Variants in UNC13B observed in about 807,000 individuals in gnomAD.
The protein encoded by UNC13B is unc-13 homolog B.
Under a neutral mutation model 211.0 loss-of-function variants are expected in UNC13B, and 144 were observed. That is an observed-to-expected ratio of 0.68 (90% confidence interval 0.60 to 0.78). The LOEUF (loss-of-function observed/expected upper bound fraction) is 0.78. Ranked by LOEUF, UNC13B falls within the 30% of genes least tolerant of loss-of-function variation. The probability of loss-of-function intolerance (pLI) is 0.00; values close to 1 mark genes in which losing one functional copy is unlikely to be tolerated. For synonymous variants in UNC13B, 709 were observed against 725.8 expected (o/e 0.98, Z 0.37); for missense variants, 1,777 against 2,002.0 (o/e 0.89, Z 2.14).
intron 20 of UNC13B, among the ~76,000 whole-genome samples, chr9:35,382,009 G>A (rs569343266): frequency 6.9e-4 from 105 of 152,272 alleles, no homozygotes; most frequent in African/African-American, 2.2e-3. Context: ...GACATCACAG[G>A]CCTGAGCAGA....
chr9:35,208,600 G>T (rs1302216292), intron 1 of UNC13B, among the ~76,000 whole-genome samples: 1 of 152,176 alleles, frequency 6.6e-6, no homozygotes, highest in Non-Finnish European at 1.5e-5. Flanking sequence ...ATCTTACATG[G>T]CAGAAGCAAG....
intron 11 of UNC13B, among the ~76,000 whole-genome samples, chr9:35,336,764 A>C (rs1250732191): frequency 6.6e-6 from 1 of 152,156 alleles, no homozygotes; most frequent in Non-Finnish European, 1.5e-5. Context: ...CATCACCTTG[A>C]GGGTTAGGAT....
intron 7 of UNC13B, among the ~76,000 whole-genome samples, chr9:35,262,264 C>A (rs1827321504): frequency 6.7e-6 from 1 of 149,166 alleles, no homozygotes; most frequent in African/African-American, 2.5e-5. Flanking sequence ...CCTTCCTTTC[C>A]TTTCCTTTTC....
chr9:35,394,795 G>T (rs906090170), intron 26 of UNC13B, among the ~76,000 whole-genome samples: 1 of 152,200 alleles, frequency 6.6e-6, no homozygotes, highest in African/African-American at 2.4e-5. Context: ...CTTTACTGGA[G>T]CATGACTCCA....
In UNC13B at chr9:35,303,195, C is replaced by T; in HGVS notation, c.3791C>T (p.Ala1264Val). 1 of 398,682 alleles carries T rather than the reference C, an allele frequency of 2.5e-6. No individual in the cohort carries two copies. 24.7% of individuals were successfully genotyped at this position (398,682 alleles called of 1,614,324 possible). A position where few individuals can be genotyped will look rare whatever the true frequency, so the allele number is the denominator to read the frequency against. Reference sequence around the variant, plus strand: ...AAAGAAAACATACCATTATCTGATGCTGGGGATGATAATCATTATTGTTCC... The same window carrying T: ...AAAGAAAACATACCATTATCTGATGTTGGGGATGATAATCATTATTGTTCC... ...LPKENIPLSD[A>V]GDDNHYCSPT... Residue 1264 changes from alanine to valine, a missense_variant, in exon 9 of 40, where the codon GCT becomes GTT. Transcript: ENST00000635942.
At position 35,300,981 on chromosome 9, in the gene UNC13B, TC is replaced by T. The variant is rs1372999962; in HGVS notation, c.1580del (p.Pro527LeufsTer3). 5 of 398,898 alleles carry T rather than the reference TC, an allele frequency of 1.3e-5. No homozygotes were observed. The highest frequency in any genetic ancestry group is 2.2e-5 in the Non-Finnish European group (5 of 226,022). 24.7% of individuals were successfully genotyped at this position (398,898 alleles called of 1,614,324 possible). A position where few individuals can be genotyped will look rare whatever the true frequency, so the allele number is the denominator to read the frequency against. ...VKNDKDTAIS[F>X]PELTGVQCAV... ...AATGACAAGGACACGGCCATCTCTT[TC>T]CCTGAGTTGACTGGAGTACAATGTG... On this transcript the variant is annotated frameshift_variant, in exon 9 of 40. Coordinates refer to ENST00000635942, the MANE Select transcript of UNC13B (RefSeq NM_001371189.2). LOFTEE classifies it high-confidence loss of function.
At chr9:35,362,891 A>G (rs2058358207) in intron 11 of UNC13B, among the ~76,000 whole-genome samples, 1 of 152,078 alleles carries the variant, frequency 6.6e-6, no homozygotes, top group Non-Finnish European at 1.5e-5. Flanking sequence ...GTTAAATACC[A>G]ATGAGAAGGA....
chr9:35,344,034 A>G (rs1832190948), intron 11 of UNC13B, among the ~76,000 whole-genome samples: 1 of 152,112 alleles, frequency 6.6e-6, no homozygotes, highest in Non-Finnish European at 1.5e-5. Context: ...TGTGGTTCAC[A>G]TTATATTTCT....
In UNC13B at chr9:35,307,637, G is replaced by T. The variant is rs904316862; in HGVS notation, c.8233G>T (p.Ala2745Ser). 7.5e-6 allele frequency: 3 copies of T among 398,932 alleles called. No homozygotes were observed. Among genetic ancestry groups the T allele is most frequent in the Non-Finnish European group, 1.3e-5 (3 of 226,138 alleles). The allele number at this position is 398,932 out of a possible 1,614,324, so 24.7% of individuals were successfully genotyped here. ...CAGAGAAAGTTGTGAGATAATTCAT[G>T]CCCAGAAAGATCCACCTGTAGTACC... ...AARESCEIIH[A>S]QKDPPVVPQE... Residue 2745 changes from alanine (A) to serine (S), a missense_variant, in exon 9 of 40, where the codon GCC (alanine) becomes TCC (serine). Coordinates refer to ENST00000635942, the MANE Select transcript of UNC13B (RefSeq NM_001371189.2).
chr9:35,250,021 C>A (rs1241215649), intron 6 of UNC13B, among the ~76,000 whole-genome samples: 1 of 151,522 alleles, frequency 6.6e-6, no homozygotes, highest in Non-Finnish European at 1.5e-5. Context: ...CGGTGGCTTT[C>A]AGTATCTTCA....
chr9:35,342,525 A>G (rs1832068152), intron 11 of UNC13B, among the ~76,000 whole-genome samples: 1 of 152,162 alleles, frequency 6.6e-6, no homozygotes, highest in Non-Finnish European at 1.5e-5. Flanking sequence ...GAATCTTCAC[A>G]TGCATGTATT....
intron 7 of UNC13B, among the ~76,000 whole-genome samples, chr9:35,275,705 T>C (rs1828138806): frequency 6.6e-6 from 1 of 151,982 alleles, no homozygotes; most frequent in Non-Finnish European, 1.5e-5. Context: ...TGATTCCCCT[T>C]CCTCAACCTC....
intron 1 of UNC13B, among the ~76,000 whole-genome samples, chr9:35,176,078 T>C (rs1241248801): frequency 2.7e-5 from 4 of 149,914 alleles, no homozygotes; most frequent in Non-Finnish European, 5.9e-5. Context: ...GAGTATTTTG[T>C]AGCTTGAAGG....
chr9:35,204,844 C>T (rs890486065), intron 1 of UNC13B, among the ~76,000 whole-genome samples: 1 of 152,126 alleles, frequency 6.6e-6, no homozygotes, highest in Non-Finnish European at 1.5e-5. Flanking sequence ...TGTGTTAAGA[C>T]TTTGGAGGAC....
intron 7 of UNC13B, among the ~76,000 whole-genome samples, chr9:35,271,387 G>GTACATCATGTTTAC (rs1451841860): frequency 6.6e-6 from 1 of 152,126 alleles, no homozygotes; most frequent in Admixed American, 6.6e-5. Flanking sequence ...TTGAGCCTCA[G>GTACATCATGTTTAC]TACATCATGT....
At chr9:35,216,883 A>G (rs3849921) in intron 1 of UNC13B, among the ~76,000 whole-genome samples, 149,717 of 152,320 alleles carry the variant, frequency 0.98, 73,628 homozygotes, top group East Asian at 1. Flanking sequence ...ACAACTTGGC[A>G]TTATGCTGAG....
intron 11 of UNC13B, chr9:35,341,798 T>TGAG: frequency 6.1e-6 from 2 of 329,178 alleles, no homozygotes; most frequent in Non-Finnish European, 8.7e-6. Context: ...CAGGAACGTG[T>TGAG]GAGGAGGGCT....
intron 1 of UNC13B, among the ~76,000 whole-genome samples, chr9:35,221,971 T>A (rs960954858): frequency 1.3e-5 from 2 of 152,262 alleles, no homozygotes; most frequent in African/African-American, 4.8e-5. Flanking sequence ...GACCCATATG[T>A]GTGTGGGTCT....
chr9:35,174,481 T>C (rs888384095), intron 1 of UNC13B, among the ~76,000 whole-genome samples: 5 of 151,712 alleles, frequency 3.3e-5, no homozygotes, highest in Non-Finnish European at 7.4e-5. Context: ...TGCGCCACCA[T>C]GCTTGGCTAA....
Sources: allele counts gnomAD v4.1 joint callset (sites outside exome capture counted in the v4.1 genomes callset), GRCh38; gene constraint gnomAD v4.1.1; transcripts MANE v1.5; gene names NCBI Gene and HGNC (gene_info 2026-07-23, HGNC 2026-07-21).